The following IMPG1 variants were observed in gnomAD, a reference collection of about 807,000 sequenced individuals.
IMPG1 encodes the protein interphotoreceptor matrix proteoglycan 1, also known as interphotoreceptor matrix proteoglycan of 150 kDa.
A neutral mutation model predicts 92.0 loss-of-function variants in IMPG1; 85 were observed. The ratio of observed to expected loss-of-function variants is 0.92; its 90% CI spans 0.78 to 1.11. The LOEUF (loss-of-function observed/expected upper bound fraction) is 1.11. Ranked by LOEUF, IMPG1 falls within the 50% of genes least tolerant of loss-of-function variation. The pLI is 0.00. For missense variants in IMPG1, 1,022 were observed against 956.0 expected, an observed-to-expected ratio of 1.07 and a Z score of -0.91; for synonymous variants, 367 against 334.1, an observed-to-expected ratio of 1.10 and a Z score of -1.08.
At position 75,961,077 on chromosome 6, in the gene IMPG1, G is replaced by C. The variant is rs1582068728; in HGVS notation, c.1292-9983C>G. On this transcript the variant is annotated intron_variant, in intron 12 of 16. Transcript: ENST00000369950. ...AGCCCAAAGTGAGGTATGTGGGTGGGAGATGCCAGAAGCCCCATTAGTAGC... is the reference window on the plus strand; with the variant it reads ...AGCCCAAAGTGAGGTATGTGGGTGGCAGATGCCAGAAGCCCCATTAGTAGC... Among the ~76,000 whole-genome samples, 5 of 152,338 alleles carry C rather than the reference G, an allele frequency of 3.3e-5. No homozygotes were observed. The South Asian group carries it at 1.0e-3, about 32-fold the overall frequency.
intron 4 of IMPG1, among the ~76,000 whole-genome samples, chr6:76,025,863 T>G (rs754064661): frequency 2.0e-5 from 3 of 152,168 alleles, no homozygotes; most frequent in Non-Finnish European, 4.4e-5. Context: ...TAGGAGCAGA[T>G]CCAAGGTCAT....
chr6:76,009,763 A>G (rs1307139315), intron 8 of IMPG1, among the ~76,000 whole-genome samples: 2 of 152,218 alleles, frequency 1.3e-5, no homozygotes, highest in Non-Finnish European at 2.9e-5. Flanking sequence ...TTCATCATCT[A>G]ACATTTTGGT....
intron 1 of IMPG1, among the ~76,000 whole-genome samples, chr6:76,052,960 AC>A (rs1784066786): frequency 6.6e-6 from 1 of 152,032 alleles, no homozygotes; most frequent in Non-Finnish European, 1.5e-5. Context: ...ACACAAATAA[AC>A]CAGTCCTTTC....
At chr6:75,931,579 GTT>G (rs56018032) in intron 14 of IMPG1, among the ~76,000 whole-genome samples, 1 of 147,474 alleles carries the variant, frequency 6.8e-6, no homozygotes. Flanking sequence ...TTGTTACTTA[GTT>G]TTTTTTTTTT....
intron 1 of IMPG1, among the ~76,000 whole-genome samples, chr6:76,056,089 A>T (rs1201847744): frequency 6.6e-6 from 1 of 152,048 alleles, no homozygotes; most frequent in Non-Finnish European, 1.5e-5. Flanking sequence ...ATTAGAAAAA[A>T]AAATAGTAGC....
At chr6:76,031,950 A>C in intron 4 of IMPG1, among the ~76,000 whole-genome samples, 1 of 152,218 alleles carries the variant, frequency 6.6e-6, no homozygotes, top group East Asian at 1.9e-4. Flanking sequence ...AAGCTGAGCT[A>C]CTCAGTTCTT....
At chr6:76,000,734 T>C (rs1341936923) in intron 12 of IMPG1, among the ~76,000 whole-genome samples, 1 of 152,202 alleles carries the variant, frequency 6.6e-6, no homozygotes, top group Non-Finnish European at 1.5e-5. Context: ...TAGGAAGTCA[T>C]CTGTGACTTT....
At chr6:75,959,807 G>C (rs973773190) in intron 12 of IMPG1, among the ~76,000 whole-genome samples, 4 of 152,178 alleles carry the variant, frequency 2.6e-5, no homozygotes, top group African/African-American at 9.7e-5. Context: ...GGCTCCATGG[G>C]GGGTGGGATC....
At chr6:75,925,494 T>C (rs1781534788) in intron 15 of IMPG1, among the ~76,000 whole-genome samples, 1 of 152,054 alleles carries the variant, frequency 6.6e-6, no homozygotes, top group South Asian at 2.1e-4. Context: ...CTAGTGCTCA[T>C]GGGAAGAAGG....
intron 12 of IMPG1, among the ~76,000 whole-genome samples, chr6:75,975,782 G>T (rs1260076738): frequency 6.6e-6 from 1 of 152,152 alleles, no homozygotes; most frequent in Non-Finnish European, 1.5e-5. Flanking sequence ...AGGCTGTATA[G>T]ACCATGTGCT....
intron 12 of IMPG1, among the ~76,000 whole-genome samples, chr6:75,964,083 G>A (rs1782258840): frequency 6.6e-6 from 1 of 152,142 alleles, no homozygotes; most frequent in African/African-American, 2.4e-5. Context: ...ACATATTTTG[G>A]GGAATCTAGA....
intron 2 of IMPG1, among the ~76,000 whole-genome samples, chr6:76,036,238 A>C (rs912832358): frequency 6.6e-6 from 1 of 152,218 alleles, no homozygotes; most frequent in Non-Finnish European, 1.5e-5. Context: ...GCACAATATA[A>C]ATAACGACTA....
chr6:75,931,227 G>A (rs1781664448), intron 14 of IMPG1, 76 bp from the exon 15 acceptor site: 1 of 1,370,078 alleles, frequency 7.3e-7, no homozygotes. Context: ...AAAGGCAAGA[G>A]ACCAAATACA....
At chr6:75,996,393 C>G (rs2149474818) in intron 12 of IMPG1, among the ~76,000 whole-genome samples, 1 of 152,236 alleles carries the variant, frequency 6.6e-6, no homozygotes, top group South Asian at 2.1e-4. Context: ...GGAGTATCAG[C>G]ATGGAAGGAA....
intron 12 of IMPG1, among the ~76,000 whole-genome samples, chr6:75,984,987 C>T (rs898014070): frequency 6.6e-6 from 1 of 152,160 alleles, no homozygotes; most frequent in African/African-American, 2.4e-5. Context: ...AACGGCAAGC[C>T]AATTTAATCT....
chr6:75,989,780 C>A (rs1782784285), intron 12 of IMPG1, among the ~76,000 whole-genome samples: 1 of 152,102 alleles, frequency 6.6e-6, no homozygotes. Context: ...GAGGTGGAGG[C>A]TGCAGTGAGC....
At chr6:76,015,539 G>A (rs1395688996) in intron 7 of IMPG1, among the ~76,000 whole-genome samples, 2 of 151,676 alleles carry the variant, frequency 1.3e-5, no homozygotes, top group East Asian at 1.9e-4. Flanking sequence ...GGTAGCTCAC[G>A]CCTGTAATCC....
At chr6:75,974,456 CTTCT>C (rs1241705989) in intron 12 of IMPG1, among the ~76,000 whole-genome samples, 12 of 132,584 alleles carry the variant, frequency 9.1e-5, no homozygotes, top group East Asian at 2.1e-4. Flanking sequence ...TTCCTTCTTT[CTTCT>C]TTCTTTCTTT....
At chr6:75,934,976 G>T (rs1781720247) in intron 14 of IMPG1, 1 of 471,416 alleles carries the variant, frequency 2.1e-6, no homozygotes, top group Non-Finnish European at 4.4e-6. Flanking sequence ...CCAAGGGCAA[G>T]GTTTCAGCTC....
Sources: gnomAD v4.1 joint callset for allele counts (sites outside exome capture counted in the v4.1 genomes callset) on GRCh38, gnomAD v4.1.1 for gene constraint, MANE v1.5 for transcripts, NCBI Gene and HGNC (gene_info 2026-07-23, HGNC 2026-07-21) for gene names.